The following CENPO variants were observed in gnomAD, a reference collection of about 807,000 sequenced individuals.
CENPO encodes the protein centromere protein O.
A neutral mutation model predicts 36.1 loss-of-function variants in CENPO; 30 were observed. That is an observed-to-expected ratio of 0.83 (90% CI 0.62 to 1.13). The LOEUF (loss-of-function observed/expected upper bound fraction) is 1.13. CENPO is among the 50% of genes most tolerant of loss of function. CENPO has a pLI of 0.00. For synonymous variants in CENPO, 171 were observed against 142.3 expected (o/e 1.20, Z -1.44); for missense variants, 349 against 357.8 (o/e 0.98, Z 0.20).
intron 3 of CENPO, among the ~76,000 whole-genome samples, chr2:24,808,626 C>G (rs868714077): frequency 6.6e-6 from 1 of 152,048 alleles, no homozygotes; most frequent in Non-Finnish European, 1.5e-5. Context: ...TATGTTTTCT[C>G]CCTTATTTTA....
chr2:24,815,700 C>T lies in CENPO; in HGVS notation c.538C>T (p.Leu180Phe). The change falls in exon 5 of 8, where the codon CTC (leucine) becomes TTC (phenylalanine). Residue 180 changes from leucine (L) to phenylalanine (F), a missense_variant. Transcript: ENST00000380834. ...QTNIQHFLFSLCEYLNAYSGR... is the reference protein window; with the variant it reads ...QTNIQHFLFSFCEYLNAYSGR... ...CAACATCCAGCACTTCCTGTTCAGTCTCTGCGAGTACCTGAATGCTTACTC... is the reference window on the plus strand; with the variant it reads ...CAACATCCAGCACTTCCTGTTCAGTTTCTGCGAGTACCTGAATGCTTACTC... 6 of 1,614,026 alleles carry T rather than the reference C, an allele frequency of 3.7e-6. No individual in the cohort carries two copies. The highest frequency in any genetic ancestry group is 5.1e-6 in the Non-Finnish European group (6 of 1,179,896).
chr2:24,795,691 A>C (rs1415459478), intron 2 of CENPO, among the ~76,000 whole-genome samples: 1 of 152,178 alleles, frequency 6.6e-6, no homozygotes, highest in Non-Finnish European at 1.5e-5. Context: ...CATAAAGTAG[A>C]ATTTGGTGAG....
intron 5 of CENPO, 61 bp downstream of exon 5, chr2:24,815,817 TG>T: frequency 6.6e-7 from 1 of 1,512,308 alleles, no homozygotes; most frequent in Non-Finnish European, 9.1e-7. Flanking sequence ...AAAAGGGGGA[TG>T]TTTTTTGTAT....
rs540741057 is a variant in CENPO at position 24,819,534 on chromosome 2, C to T, written c.*216C>T. On this transcript the variant is annotated 3_prime_UTR_variant, in exon 8 of 8. Transcript: ENST00000380834. ...TTCAAAATGGGAGCCATGTCCTGCC[C>T]CACCAAGCCCTGTCTGAAGTGGAGC... 9.9e-4 allele frequency: 159 copies of T among 160,476 alleles called. 1 individual carries two copies. Among genetic ancestry groups the T allele is most frequent in the African/African-American group, 3.6e-3 (151 of 41,788 alleles). 9.9% of individuals were successfully genotyped at this position (160,476 alleles called of 1,614,324 possible).
At chr2:24,818,673 C>G (rs1333414009) in intron 7 of CENPO, among the ~76,000 whole-genome samples, 4 of 152,028 alleles carry the variant, frequency 2.6e-5, no homozygotes, top group Non-Finnish European at 4.4e-5. Flanking sequence ...TGCCCATTAA[C>G]TCAGGGGGAC....
intron 2 of CENPO, among the ~76,000 whole-genome samples, chr2:24,798,975 CTTTTTTTT>C (rs70947846): frequency 1.2e-4 from 14 of 114,532 alleles, no homozygotes; most frequent in African/African-American, 4.0e-4. Context: ...CTGGGGCTTC[CTTTTTTTT>C]TTTTTTTTTT....
chr2:24,820,325 CTCA>C lies in CENPO; in HGVS notation c.*1010_*1012del. On this transcript the variant is annotated 3_prime_UTR_variant, in exon 8 of 8. Transcript: ENST00000380834. ...TGGAGTGACTGGCTGGGGGCCTCCT[CTCA>C]TCCAGAGACTTCTCTCCTAGGATGG... 1 of 1,323,528 alleles carries C rather than the reference CTCA, an allele frequency of 7.6e-7. No homozygotes were observed. The highest frequency in any genetic ancestry group is 2.2e-5 in the South Asian group (1 of 45,262). The allele number at this position is 1,323,528 out of a possible 1,614,324, so 82.0% of individuals were successfully genotyped here. A position where few individuals can be genotyped will look rare whatever the true frequency, so the allele number is the denominator to read the frequency against.
chr2:24,802,696 T>C (rs2148262070), intron 3 of CENPO, among the ~76,000 whole-genome samples: 1 of 152,362 alleles, frequency 6.6e-6, no homozygotes, highest in Admixed American at 6.5e-5. Context: ...TCATGGTGGA[T>C]AAGCTTTTTG....
chr2:24,815,628 C>G lies in CENPO; in HGVS notation c.466C>G (p.Pro156Ala). The change falls in exon 5 of 8, where the codon CCA becomes GCA. Residue 156 changes from proline to alanine, a missense_variant. By Grantham distance (27) the Pro-to-Ala change is conservative (BLOSUM62 -1). Transcript: ENST00000380834. ...ACTCCGGATACATCACCATTCAGTC[C>G]CAGTCTTCATTCCCCTGGAAGAGAT... is the stretch of plus-strand genomic sequence containing the variant. The part of the protein sequence containing the change: ...KPLRIHHHSV[P>A]VFIPLEEIAA... The G allele has an allele frequency of 6.2e-7, 1 of 1,614,184 alleles. No individual in the cohort carries two copies. The highest frequency in any genetic ancestry group is 8.5e-7 in the Non-Finnish European group (1 of 1,180,024).
At chr2:24,794,013 C>G (rs1449890213) in intron 2 of CENPO, 48 bp downstream of exon 2, 7 of 1,453,214 alleles carry the variant, frequency 4.8e-6, no homozygotes, top group Non-Finnish European at 5.8e-6. Flanking sequence ...CAAAGATGAC[C>G]CGCAGGCTGA....
At position 24,820,957 on chromosome 2, in the gene CENPO, T is replaced by A; in HGVS notation, c.*1639T>A. 6.9e-7 allele frequency: 1 copy of A among 1,440,890 alleles called. No individual in the cohort carries two copies. The highest frequency in any genetic ancestry group is 1.3e-5 in the South Asian group (1 of 74,740). The allele number at this position is 1,440,890 out of a possible 1,614,324, so 89.3% of individuals were successfully genotyped here. Reference sequence around the variant, plus strand: ...ACCACAAAGCTCCTAATGTAACACATCATTGTCCTCATTCAACTTGGCTGT... The same window carrying A: ...ACCACAAAGCTCCTAATGTAACACAACATTGTCCTCATTCAACTTGGCTGT... On this transcript the variant is annotated 3_prime_UTR_variant, in exon 8 of 8. Coordinates refer to ENST00000380834, the MANE Select transcript of CENPO (RefSeq NM_001322101.2).
intron 3 of CENPO, among the ~76,000 whole-genome samples, chr2:24,809,150 T>A (rs1023914447): frequency 7.2e-5 from 11 of 152,228 alleles, no homozygotes; most frequent in Non-Finnish European, 8.8e-5. Flanking sequence ...AACAACCTAC[T>A]GTCTTGTGAC....
intron 3 of CENPO, among the ~76,000 whole-genome samples, chr2:24,813,177 C>T (rs949918884): frequency 2.0e-5 from 3 of 151,992 alleles, no homozygotes; most frequent in Non-Finnish European, 4.4e-5. Context: ...ACCCGGGAGG[C>T]GGAGGTTGCA....
At chr2:24,796,889 C>G (rs909844835) in intron 2 of CENPO, among the ~76,000 whole-genome samples, 1 of 151,706 alleles carries the variant, frequency 6.6e-6, no homozygotes, top group African/African-American at 2.4e-5. Flanking sequence ...AGACGCTGGG[C>G]GGGTTTGAGA....
chr2:24,811,998 TAG>T (rs1666715463), intron 3 of CENPO, among the ~76,000 whole-genome samples: 1 of 152,226 alleles, frequency 6.6e-6, no homozygotes, highest in South Asian at 2.1e-4. Context: ...CCTTTAGTGT[TAG>T]ACACATATTT....
In CENPO at chr2:24,802,159, A is replaced by G. The variant is rs566446126; in HGVS notation, c.216+2315A>G. Among the ~76,000 whole-genome samples the G allele has an allele frequency of 3.3e-5, 5 of 152,200 alleles. No individual in the cohort carries two copies. In the East Asian group the frequency reaches 9.6e-4, roughly 29 times the overall value. ...TTATTGGTGTATAAGAATGCTTGTG[A>G]TTTTTGCACATTGATTTTGTATCCT... On this transcript the variant is annotated intron_variant, in intron 3 of 7. Coordinates refer to ENST00000380834, the MANE Select transcript of CENPO (RefSeq NM_001322101.2).
At chr2:24,812,902 G>GT (rs35639594) in intron 3 of CENPO, among the ~76,000 whole-genome samples, 1,814 of 105,638 alleles carry the variant, frequency 0.017, 35 homozygotes, top group African/African-American at 0.035. Context: ...TATGCCTGTA[G>GT]TTTTTTTTTT....
Position 24,799,752 on chromosome 2 carries a change from C to T in CENPO, c.124C>T (p.Gln42Ter). The change falls in exon 3 of 8, where the codon CAG becomes TAG. Residue 42 changes from glutamine (Q) to a stop codon, truncating the protein, a stop_gained. Coordinates refer to ENST00000380834, the MANE Select transcript of CENPO (RefSeq NM_001322101.2). LOFTEE classifies it high-confidence loss of function. ...RKQSEELQSV[Q>*]AQEGALGTKI... ...ACAGTCTGAAGAGCTGCAGAGCGTG[C>T]AGGCCCAGGAAGGTGCTCTTGGAAC... 6.2e-7 allele frequency: 1 copy of T among 1,614,036 alleles called. No homozygotes were observed. The highest frequency in any genetic ancestry group is 8.5e-7 in the Non-Finnish European group (1 of 1,180,016).
At chr2:24,804,661 C>G (rs941294328) in intron 3 of CENPO, among the ~76,000 whole-genome samples, 13 of 152,330 alleles carry the variant, frequency 8.5e-5, no homozygotes, top group African/African-American at 2.9e-4. Flanking sequence ...GGCCCCCACT[C>G]TCTTCTGACT....
Sources: gnomAD v4.1 joint callset for allele counts (sites outside exome capture counted in the v4.1 genomes callset) on GRCh38, gnomAD v4.1.1 for gene constraint, MANE v1.5 for transcripts, NCBI Gene and HGNC (gene_info 2026-07-23, HGNC 2026-07-21) for gene names.